RNF144A: variants seen among roughly 807,000 people sequenced by gnomAD.
RNF144A encodes E3 ubiquitin-protein ligase RNF144A.
Under a neutral mutation model 38.7 loss-of-function variants are expected in RNF144A, and 11 were observed. The observed-to-expected ratio is 0.28, with a 90% CI of 0.18 to 0.47. The LOEUF is 0.47. RNF144A is among the 20% of genes least tolerant of loss of function. RNF144A has a pLI of 0.99. For missense variants in RNF144A, 316 were observed against 377.2 expected (o/e 0.84, Z 1.34); for synonymous variants, 149 against 143.9 (o/e 1.04, Z -0.25).
At position 7,041,020 on chromosome 2, in the gene RNF144A, T is replaced by G. The variant is rs1017422745; in HGVS notation, c.*1260T>G. 1 of 985,406 alleles carries G rather than the reference T, an allele frequency of 1.0e-6. No homozygotes were observed. Among genetic ancestry groups the G allele is most frequent in the East Asian group, 1.1e-4 (1 of 8,820 alleles). 61.0% of individuals were successfully genotyped at this position (985,406 alleles called of 1,614,324 possible). A position where few individuals can be genotyped will look rare whatever the true frequency, so the allele number is the denominator to read the frequency against. ...ATACACATTATTCCACCAATTGACT[T>G]TGAAAAGTGGAGAAAGTGTATTCTT... is the stretch of plus-strand genomic sequence containing the variant. On this transcript the variant is annotated 3_prime_UTR_variant, in exon 9 of 9. Coordinates refer to ENST00000320892, the MANE Select transcript of RNF144A (RefSeq NM_014746.6).
chr2:6,917,837 C>G lies in RNF144A; in HGVS notation c.-212+215C>G, dbSNP rs1664230238. On this transcript the variant is annotated intron_variant, in intron 1 of 8. Coordinates refer to ENST00000320892, the MANE Select transcript of RNF144A (RefSeq NM_014746.6). This position sits in a 1 kb window ranked among gnomAD's most constrained non-coding sequence, Gnocchi z 4.8. ...TCCGTTCAGAGGACGCCCGCCCTGCCCTGCCCGTGTCCCTGACCTCGTCCC... is the reference window on the plus strand; with the variant it reads ...TCCGTTCAGAGGACGCCCGCCCTGCGCTGCCCGTGTCCCTGACCTCGTCCC... Among the ~76,000 whole-genome samples, 1 of 151,000 alleles carries G rather than the reference C, an allele frequency of 6.6e-6. No homozygotes were observed. Among genetic ancestry groups the G allele is most frequent in the Non-Finnish European group, 1.5e-5 (1 of 67,636 alleles).
chr2:6,956,809 A>G (rs1012280052), intron 2 of RNF144A, among the ~76,000 whole-genome samples: 24 of 152,172 alleles, frequency 1.6e-4, no homozygotes, highest in Non-Finnish European at 7.3e-5. Flanking sequence ...CAGCAAATAC[A>G]TATGCTACAA....
chr2:6,975,326 G>T (rs927951063), intron 2 of RNF144A, among the ~76,000 whole-genome samples: 3 of 152,064 alleles, frequency 2.0e-5, no homozygotes, highest in African/African-American at 4.8e-5. Flanking sequence ...CTTCCCACCG[G>T]GTCCTTCCCA....
In RNF144A at chr2:7,042,835, G is replaced by C; in HGVS notation, c.*3075G>C. Reference sequence around the variant, plus strand: ...ACTCATAGGAGTAGCTGTGGACAGAGGAACCAACATCTGCCACCTCTGGCA... The same window carrying C: ...ACTCATAGGAGTAGCTGTGGACAGACGAACCAACATCTGCCACCTCTGGCA... On this transcript the variant is annotated 3_prime_UTR_variant, in exon 9 of 9. Transcript: ENST00000320892. The C allele has an allele frequency of 1.0e-6, 1 of 985,452 alleles. No homozygotes were observed. Among genetic ancestry groups the C allele is most frequent in the Non-Finnish European group, 1.2e-6 (1 of 829,950 alleles). The allele number at this position is 985,452 out of a possible 1,614,324, so 61.0% of individuals were successfully genotyped here.
intron 3 of RNF144A, among the ~76,000 whole-genome samples, chr2:7,011,607 A>G (rs1212172575): frequency 1.3e-5 from 2 of 152,250 alleles, no homozygotes; most frequent in Non-Finnish European, 2.9e-5. Context: ...CGTAGAATCT[A>G]GGACTTAGAA....
intron 5 of RNF144A, among the ~76,000 whole-genome samples, chr2:7,019,560 C>T (rs754927360): frequency 5.3e-5 from 8 of 152,312 alleles, no homozygotes; most frequent in South Asian, 4.1e-4. Context: ...CCTACCAGAA[C>T]GCCTTTGGAA....
At chr2:6,967,200 AACTTTAC>A (rs1343368904) in intron 2 of RNF144A, among the ~76,000 whole-genome samples, 3 of 152,192 alleles carry the variant, frequency 2.0e-5, no homozygotes, top group Admixed American at 2.0e-4. Context: ...TGTGATAATG[AACTTTAC>A]CCATCACTAT....
intron 2 of RNF144A, among the ~76,000 whole-genome samples, chr2:6,953,106 T>A (rs1666788051): frequency 6.6e-6 from 1 of 152,202 alleles, no homozygotes; most frequent in African/African-American, 2.4e-5. Context: ...GCCCTCTTTT[T>A]AAAATATAAG....
At chr2:7,002,990 AG>A (rs1229901974) in intron 3 of RNF144A, among the ~76,000 whole-genome samples, 1 of 152,194 alleles carries the variant, frequency 6.6e-6, no homozygotes, top group Non-Finnish European at 1.5e-5. Flanking sequence ...TAACAAAAAA[AG>A]TTTAAAAAAA....
At chr2:6,922,790 A>G (rs1403097062) in intron 1 of RNF144A, among the ~76,000 whole-genome samples, 1 of 151,652 alleles carries the variant, frequency 6.6e-6, no homozygotes, top group Non-Finnish European at 1.5e-5. Context: ...ACACCCTGAT[A>G]ATTGTTTGTA....
intron 1 of RNF144A, among the ~76,000 whole-genome samples, chr2:6,919,412 T>G (rs1003713392): frequency 2.0e-5 from 3 of 152,256 alleles, no homozygotes; most frequent in Non-Finnish European, 4.4e-5. Context: ...TTTGTTTTTA[T>G]TTTTAAAGCG....
intron 2 of RNF144A, among the ~76,000 whole-genome samples, chr2:6,979,411 A>C (rs780326596): frequency 2.6e-5 from 4 of 152,224 alleles, no homozygotes; most frequent in South Asian, 2.1e-4. Flanking sequence ...TTATCTCTGC[A>C]TCCTAGCCAA....
intron 1 of RNF144A, among the ~76,000 whole-genome samples, chr2:6,921,086 G>A (rs983910443): frequency 1.3e-5 from 2 of 152,232 alleles, no homozygotes; most frequent in African/African-American, 4.8e-5. Context: ...TGTTTCCCAA[G>A]AGAAAATATT....
intron 1 of RNF144A, among the ~76,000 whole-genome samples, chr2:6,927,448 T>G (rs1213249870): frequency 6.6e-6 from 1 of 152,274 alleles, no homozygotes; most frequent in Middle Eastern, 3.2e-3. Flanking sequence ...CCAGCTTGAC[T>G]GTGCCAGCCT....
At chr2:7,017,308 T>C (rs1203000375) in intron 5 of RNF144A, among the ~76,000 whole-genome samples, 1 of 115,354 alleles carries the variant, frequency 8.7e-6, no homozygotes, top group Non-Finnish European at 1.7e-5. Context: ...TATTGTTTTT[T>C]TTTTTGTTCT....
chr2:7,004,743 C>A (rs1284558281), intron 3 of RNF144A, among the ~76,000 whole-genome samples: 2 of 152,184 alleles, frequency 1.3e-5, no homozygotes, highest in East Asian at 3.8e-4. Flanking sequence ...TACAGGACTT[C>A]GACGTTTCTC....
chr2:6,985,614 C>T (rs549518040), intron 2 of RNF144A, among the ~76,000 whole-genome samples: 2 of 152,270 alleles, frequency 1.3e-5, no homozygotes, highest in South Asian at 2.1e-4. Flanking sequence ...TCGAGCCACA[C>T]GTGTAGCATG....
At chr2:7,029,483 G>A (rs950944848) in intron 7 of RNF144A, among the ~76,000 whole-genome samples, 4 of 152,220 alleles carry the variant, frequency 2.6e-5, no homozygotes, top group African/African-American at 4.8e-5. Flanking sequence ...GGAGTGCAGA[G>A]AACTGCTGCC....
At chr2:7,004,386 G>A (rs985888689) in intron 3 of RNF144A, among the ~76,000 whole-genome samples, 1 of 152,180 alleles carries the variant, frequency 6.6e-6, no homozygotes, top group African/African-American at 2.4e-5. Flanking sequence ...TCTATTGGCT[G>A]CACCACCCTA....
Sources: gnomAD v4.1 joint callset for allele counts (sites outside exome capture counted in the v4.1 genomes callset) on GRCh38, gnomAD v4.1.1 for gene constraint, Gnocchi (gnomAD v3.1) non-coding constraint, MANE v1.5 for transcripts, NCBI Gene and HGNC (gene_info 2026-07-23, HGNC 2026-07-21) for gene names.